Variants in FANCA observed in about 807,000 individuals in gnomAD.
FANCA encodes FA complementation group A, also known as Fanconi anemia group A protein.
Under a neutral mutation model 194.3 loss-of-function variants are expected in FANCA, and 236 were observed. The observed-to-expected ratio is 1.21, with a 90% CI of 1.09 to 1.35. FANCA has a LOEUF of 1.35. Among genes scored for constraint, FANCA ranks in the 40% most tolerant of loss-of-function variants. The pLI, the probability that FANCA is intolerant of heterozygous loss-of-function variation, is 0.00. For synonymous variants in FANCA, 1,014 were observed against 715.8 expected, an observed-to-expected ratio of 1.42 and a Z score of -6.65; for missense variants, 2,628 against 1,813.9, an observed-to-expected ratio of 1.45 and a Z score of -8.15.
chr16:89,752,005 T>C (rs1459179394), intron 31 of FANCA, 133 bp downstream of exon 31: 2 of 788,636 alleles, frequency 2.5e-6, no homozygotes, highest in Non-Finnish European at 4.5e-6. Flanking sequence ...CTCCTGACTG[T>C]GTGATCCGCC....
At chr16:89,741,186 C>T (rs184473501) in intron 37 of FANCA, among the ~76,000 whole-genome samples, 3 of 152,310 alleles carry the variant, frequency 2.0e-5, no homozygotes, top group Admixed American at 2.0e-4. Flanking sequence ...CCTGCAAGGC[C>T]TCCTGTCAGA....
intron 3 of FANCA, among the ~76,000 whole-genome samples, chr16:89,813,616 TAG>T (rs1004963668): frequency 6.6e-6 from 1 of 152,012 alleles, no homozygotes; most frequent in Non-Finnish European, 1.5e-5. Flanking sequence ...TGTTTTTTAG[TAG>T]AGACAGGGTT....
intron 19 of FANCA, 26 bp from the exon 20 acceptor site, chr16:89,778,876 G>C (rs376769450): frequency 3.1e-5 from 50 of 1,613,822 alleles, no homozygotes; most frequent in Admixed American, 1.0e-4. Flanking sequence ...AGACCTGTGA[G>C]AGACTGACAA....
chr16:89,741,957 TTTTAC>T (rs2062143980), intron 37 of FANCA, among the ~76,000 whole-genome samples: 1 of 150,322 alleles, frequency 6.7e-6, no homozygotes, highest in African/African-American at 2.5e-5. Context: ...CTCTTTTAAT[TTTTAC>T]TTTAAACAAA....
chr16:89,779,973 G>C lies in FANCA; in HGVS notation c.1627-16C>G, dbSNP rs149936677. 9 of 1,610,692 alleles carry C rather than the reference G, an allele frequency of 5.6e-6. No homozygotes were observed. The South Asian group carries it at 9.9e-5, about 18-fold the overall frequency. On this transcript the variant is annotated splice_polypyrimidine_tract_variant and intron_variant, in intron 17 of 42. Coordinates refer to ENST00000389301, the MANE Select transcript of FANCA (RefSeq NM_000135.4). ...GGCTGTGGGGCTGGTTCCCATACAG[G>C]GAGGAAAGGAAAAAGAACAGAGGAC...
At chr16:89,787,932 G>A (rs369251544) in intron 14 of FANCA, among the ~76,000 whole-genome samples, 2 of 151,722 alleles carry the variant, frequency 1.3e-5, no homozygotes, top group South Asian at 2.1e-4. Context: ...GGAGTGCAGT[G>A]GTCTGATCTT....
chr16:89,766,003 T>A (rs7498439), intron 27 of FANCA, among the ~76,000 whole-genome samples: 73,547 of 138,372 alleles, frequency 0.53, 19,617 homozygotes, highest in Middle Eastern at 0.77. Context: ...TTATTTATTT[T>A]TTTTTTTTTT....
chr16:89,792,165 C>T (rs2040098716), intron 12 of FANCA, 97 bp from the exon 13 acceptor site: 2 of 1,409,016 alleles, frequency 1.4e-6, no homozygotes, highest in Admixed American at 1.7e-5. Context: ...ACCGCAGCCC[C>T]CTCACTTCCC....
intron 26 of FANCA, chr16:89,769,594 A>G: frequency 5.3e-6 from 3 of 566,918 alleles, no homozygotes; most frequent in Admixed American, 5.7e-5. Context: ...GACAGTTACT[A>G]TCTACTATTA....
intron 5 of FANCA, among the ~76,000 whole-genome samples, chr16:89,809,202 G>C (rs775901066): frequency 6.6e-6 from 1 of 151,722 alleles, no homozygotes; most frequent in Non-Finnish European, 1.5e-5. Context: ...CACTGGGCCC[G>C]GCCCCTAACT....
At chr16:89,779,029 C>T (rs2039613443) in intron 18 of FANCA, 26 bp from the exon 19 acceptor site, 1 of 1,610,806 alleles carries the variant, frequency 6.2e-7, no homozygotes, top group Non-Finnish European at 8.5e-7. Context: ...GCAGACAGTG[C>T]ATCAGTCAGA....
intron 30 of FANCA, among the ~76,000 whole-genome samples, chr16:89,755,469 T>C (rs1411129764): frequency 1.3e-5 from 2 of 152,076 alleles, no homozygotes; most frequent in Admixed American, 6.6e-5. Context: ...CCTCCCAAAG[T>C]GCTGGGATTA....
chr16:89,746,492 G>C, intron 35 of FANCA, 92 bp downstream of exon 35: 3 of 1,008,032 alleles, frequency 3.0e-6, no homozygotes, highest in Non-Finnish European at 3.2e-6. Flanking sequence ...GGTAACACCC[G>C]TGATGGAGAC....
intron 37 of FANCA, 24 bp from the exon 38 acceptor site, chr16:89,740,890 T>C (rs748069957): frequency 1.0e-5 from 16 of 1,591,208 alleles, no homozygotes; most frequent in South Asian, 4.5e-5. Flanking sequence ...CGTGCACTTA[T>C]TATTACATTA....
At chr16:89,807,548 G>C (rs1214187084) in intron 6 of FANCA, among the ~76,000 whole-genome samples, 1 of 152,134 alleles carries the variant, frequency 6.6e-6, no homozygotes, top group East Asian at 1.9e-4. Context: ...TTAGGAGTTT[G>C]ACACCAGCCT....
intron 14 of FANCA, among the ~76,000 whole-genome samples, chr16:89,787,108 G>A (rs539770665): frequency 6.6e-6 from 1 of 152,338 alleles, no homozygotes; most frequent in South Asian, 2.1e-4. Context: ...GAGATAAAAG[G>A]CAGTTCTGTT....
At chr16:89,783,281 C>T (rs751694788) in intron 15 of FANCA, among the ~76,000 whole-genome samples, 179 bp from the exon 16 acceptor site, 4 of 152,004 alleles carry the variant, frequency 2.6e-5, no homozygotes, top group African/African-American at 9.7e-5. Context: ...CCGGGCGCAG[C>T]GGCTTACACC....
chr16:89,787,018 G>A (rs916347992), intron 14 of FANCA, among the ~76,000 whole-genome samples: 7 of 152,172 alleles, frequency 4.6e-5, no homozygotes, highest in African/African-American at 1.2e-4. Flanking sequence ...CAGACCCGTC[G>A]CCAAAGGCAT....
At chr16:89,778,564 G>C in intron 20 of FANCA, 1 of 494,118 alleles carries the variant, frequency 2.0e-6, no homozygotes, top group Non-Finnish European at 3.5e-6. Flanking sequence ...AGATGTGGAG[G>C]TTGCAGTGAG....
Sources: gnomAD v4.1 joint callset for allele counts (sites outside exome capture counted in the v4.1 genomes callset) on GRCh38, gnomAD v4.1.1 for gene constraint, MANE v1.5 for transcripts, NCBI Gene and HGNC (gene_info 2026-07-23, HGNC 2026-07-21) for gene names.